Variants in NFIB observed in about 807,000 individuals in gnomAD.
The protein encoded by NFIB is nuclear factor 1 B-type.
NFIB carries 11 observed loss-of-function variants against 61.5 expected under a neutral mutation model. The observed-to-expected ratio is 0.18, with a 90% confidence interval of 0.11 to 0.30. NFIB has a LOEUF of 0.30. NFIB is among the 10% of genes least tolerant of loss of function. NFIB has a pLI of 1.00. For missense variants in NFIB, 471 were observed against 608.9 expected (o/e 0.77, Z 2.38); for synonymous variants, 260 against 216.5 (o/e 1.20, Z -1.76).
At chr9:14,512,513 G>GT in the NFIB span, among the ~76,000 whole-genome samples, 2 of 151,864 alleles carry the variant, frequency 1.3e-5, no homozygotes, top group African/African-American at 2.4e-5. Context: ...GATTATATGG[G>GT]TTTTTTTCTG....
Position 14,314,086 on chromosome 9 carries a change from G to A in NFIB, c.-575C>T, listed in dbSNP as rs952348872. ...GGATCCCGGAGTGGTGATCGCAGGC[G>A]AAACTTTGCCGCGAGCCGACCATGT... On this transcript the variant is annotated 5_prime_UTR_variant, in exon 1 of 11. Transcript: ENST00000380953. The A allele has an allele frequency of 2.6e-4, 276 of 1,048,604 alleles. No individual in the cohort carries two copies. The African/African-American group carries it at 3.9e-3, about 15-fold the overall frequency. The allele number at this position is 1,048,604 out of a possible 1,614,324, so 65.0% of individuals were successfully genotyped here. A position where few individuals can be genotyped will look rare whatever the true frequency, so the allele number is the denominator to read the frequency against.
intron 2 of NFIB, among the ~76,000 whole-genome samples, chr9:14,257,545 G>A (rs552195377): frequency 2.0e-5 from 3 of 152,186 alleles, no homozygotes; most frequent in Middle Eastern, 3.4e-3. Flanking sequence ...CACCTGAGTC[G>A]GGAGTTTGAG....
At chr9:14,480,690 A>C in the NFIB span, among the ~76,000 whole-genome samples, 9 of 152,178 alleles carry the variant, frequency 5.9e-5, no homozygotes, top group Admixed American at 5.9e-4. Context: ...CCCAAAGCAA[A>C]AGGAGGTAAA....
At chr9:14,266,759 A>G (rs2057237433) in intron 2 of NFIB, among the ~76,000 whole-genome samples, 1 of 151,902 alleles carries the variant, frequency 6.6e-6, no homozygotes, top group East Asian at 1.9e-4. Context: ...TATCATCACC[A>G]AGTTCTTTTT....
At chr9:14,276,125 T>C (rs1025333288) in intron 2 of NFIB, among the ~76,000 whole-genome samples, 3 of 152,146 alleles carry the variant, frequency 2.0e-5, no homozygotes, top group African/African-American at 7.2e-5. Context: ...AGGTTTGCCA[T>C]ACTCCATTTT....
At chr9:14,125,577 G>A (rs754459120) in intron 7 of NFIB, 55 bp downstream of exon 7, 62 of 1,606,004 alleles carry the variant, frequency 3.9e-5, no homozygotes, top group Admixed American at 5.1e-5. Context: ...TCCCTAAGGG[G>A]GTTAGGCCCT....
chr9:14,432,077 G>C, the NFIB span, among the ~76,000 whole-genome samples: 1 of 152,118 alleles, frequency 6.6e-6, no homozygotes, highest in Non-Finnish European at 1.5e-5. Flanking sequence ...CAATGGAGAG[G>C]CTCTCTTGTA....
chr9:14,513,651 G>A, the NFIB span, among the ~76,000 whole-genome samples: 2 of 110,016 alleles, frequency 1.8e-5, no homozygotes, highest in Non-Finnish European at 2.2e-5. Context: ...AAAAAGAAAA[G>A]AAAAAGAAAA....
the NFIB span, among the ~76,000 whole-genome samples, chr9:14,522,244 C>CT: frequency 6.6e-6 from 1 of 152,266 alleles, no homozygotes; most frequent in East Asian, 1.9e-4. Flanking sequence ...GCTCTGTTGG[C>CT]TTTTTTCCCA....
chr9:14,264,476 T>C (rs1444075547), intron 2 of NFIB, among the ~76,000 whole-genome samples: 1 of 152,192 alleles, frequency 6.6e-6, no homozygotes, highest in Non-Finnish European at 1.5e-5. Flanking sequence ...ACCCCTACTC[T>C]CTGTGCATTT....
chr9:14,313,640 G>A lies in NFIB; in HGVS notation c.-129C>T, dbSNP rs978942193. ...TCAATCAGGACGGGGCTCTGCGCTG[G>A]ATCACCGCAACTTCACAACAAACCC... On this transcript the variant is annotated 5_prime_UTR_variant, in exon 1 of 11. Transcript: ENST00000380953. This position sits in a 1 kb window ranked among gnomAD's most constrained non-coding sequence, Gnocchi z 4.5. 1.9e-6 allele frequency: 3 copies of A among 1,551,822 alleles called. No individual in the cohort carries two copies. Among genetic ancestry groups the A allele is most frequent in the South Asian group, 1.2e-5 (1 of 83,358 alleles).
chr9:14,408,936 G>A, the NFIB span, among the ~76,000 whole-genome samples: 1 of 152,100 alleles, frequency 6.6e-6, no homozygotes, highest in African/African-American at 2.4e-5. Context: ...TAAATGATGT[G>A]CCCAAGTTAC....
At chr9:14,462,473 G>C in the NFIB span, among the ~76,000 whole-genome samples, 1 of 151,810 alleles carries the variant, frequency 6.6e-6, no homozygotes, top group Admixed American at 6.6e-5. Context: ...TAGTGGAGAC[G>C]GGGTTTCACT....
intron 2 of NFIB, among the ~76,000 whole-genome samples, chr9:14,182,706 CTCTGTGTGTGTG>C (rs2046924487): frequency 2.4e-5 from 3 of 124,854 alleles, no homozygotes; most frequent in African/African-American, 6.3e-5. Context: ...CTCTCTCTCT[CTCTGTGTGTGTG>C]TGTGTGTGTG....
At chr9:14,494,401 G>C in the NFIB span, among the ~76,000 whole-genome samples, 4 of 152,144 alleles carry the variant, frequency 2.6e-5, no homozygotes, top group Non-Finnish European at 5.9e-5. Context: ...ACATGCCAAA[G>C]ACGTAAACAT....
intron 1 of NFIB, among the ~76,000 whole-genome samples, chr9:14,394,033 C>A (rs116411991): frequency 0.021 from 3,140 of 152,280 alleles, 92 homozygotes; most frequent in African/African-American, 0.07. Flanking sequence ...CCCACTCATC[C>A]ATCTGTTTAT....
At chr9:14,369,109 T>C (rs2061331417) in intron 1 of NFIB, among the ~76,000 whole-genome samples, 1 of 152,174 alleles carries the variant, frequency 6.6e-6, no homozygotes, top group Non-Finnish European at 1.5e-5. Context: ...TATTTATCAT[T>C]ATATTCCCAG....
At chr9:14,230,714 G>C (rs979299598) in intron 2 of NFIB, among the ~76,000 whole-genome samples, 2 of 152,128 alleles carry the variant, frequency 1.3e-5, no homozygotes, top group African/African-American at 4.8e-5. Flanking sequence ...AGCACTTTTT[G>C]ACAAATTTAA....
chr9:14,511,696 T>G, the NFIB span, among the ~76,000 whole-genome samples: 1 of 152,262 alleles, frequency 6.6e-6, no homozygotes, highest in East Asian at 1.9e-4. Flanking sequence ...AAATGTATTC[T>G]GAATGCTTCT....
Sources: gnomAD v4.1 joint callset for allele counts (sites outside exome capture counted in the v4.1 genomes callset) on GRCh38, gnomAD v4.1.1 for gene constraint, Gnocchi (gnomAD v3.1) non-coding constraint, MANE v1.5 for transcripts, NCBI Gene and HGNC (gene_info 2026-07-23, HGNC 2026-07-21) for gene names.